UGT2A1: variants seen among roughly 807,000 people sequenced by gnomAD.
The protein encoded by UGT2A1 is UDP-glucuronosyltransferase 2A1.
In UGT2A1, 61 loss-of-function variants were observed where a neutral mutation model predicts 45.4. The observed-to-expected ratio is 1.34, with a 90% confidence interval of 1.09 to 1.66. The LOEUF (loss-of-function observed/expected upper bound fraction) is 1.66. UGT2A1 is among the 40% of genes most tolerant of loss of function. UGT2A1 has a pLI of 0.00. For missense variants in UGT2A1, 649 were observed against 574.3 expected, an observed-to-expected ratio of 1.13 and a Z score of -1.33; for synonymous variants, 229 against 196.2, an observed-to-expected ratio of 1.17 and a Z score of -1.40.
intron 3 of UGT2A1, among the ~76,000 whole-genome samples, chr4:69,606,870 G>A (rs1454214712): frequency 7.4e-6 from 1 of 135,992 alleles, no homozygotes; most frequent in East Asian, 2.1e-4. Flanking sequence ...TACAAGGGAC[G>A]TAAGGACCTC....
At chr4:69,592,158 C>T (rs1416552776) in intron 6 of UGT2A1, among the ~76,000 whole-genome samples, 1 of 152,082 alleles carries the variant, frequency 6.6e-6, no homozygotes, top group Non-Finnish European at 1.5e-5. Flanking sequence ...AGGTTACTTC[C>T]GTTAAGAAAA....
In UGT2A1 at chr4:69,588,524, GA is replaced by G. The variant is rs549237261; in HGVS notation, c.*847del. On this transcript the variant is annotated 3_prime_UTR_variant, in exon 7 of 7. Coordinates refer to ENST00000286604, the MANE Select transcript of UGT2A1 (RefSeq NM_001252275.3). ...TAGTGATTTTTAAGCATAATTAATT[GA>G]TGTTTTATGTAATTATTTGTACAGT... 25 of 152,052 alleles carry G rather than the reference GA, an allele frequency of 1.6e-4. No individual in the cohort carries two copies. The South Asian group carries it at 5.0e-3, about 30-fold the overall frequency. The allele number at this position is 152,052 out of a possible 1,614,324, so 9.4% of individuals were successfully genotyped here.
intron 4 of UGT2A1, 130 bp from the exon 5 acceptor site, chr4:69,595,379 C>T (rs1016435264): frequency 1.8e-5 from 18 of 983,750 alleles, no homozygotes; most frequent in African/African-American, 1.3e-4. Context: ...AGTTTACAAA[C>T]GTTGAGATAC....
chr4:69,609,619 T>G (rs1719910443), intron 3 of UGT2A1, among the ~76,000 whole-genome samples: 1 of 152,204 alleles, frequency 6.6e-6, no homozygotes, highest in Non-Finnish European at 1.5e-5. Flanking sequence ...CGTGAAAGTA[T>G]AAACTAGTAT....
intron 3 of UGT2A1, among the ~76,000 whole-genome samples, chr4:69,622,314 T>A (rs966277479): frequency 6.6e-6 from 1 of 151,888 alleles, no homozygotes; most frequent in South Asian, 2.1e-4. Context: ...GAAATTGGCA[T>A]ACAAAAAGTT....
At chr4:69,638,757 T>A (rs1721865595) in intron 2 of UGT2A1, 5 of 1,088,776 alleles carry the variant, frequency 4.6e-6, no homozygotes, top group Non-Finnish European at 6.3e-6. Flanking sequence ...AAGAGAATAA[T>A]CAGGGAATTG....
intron 3 of UGT2A1, chr4:69,603,553 C>T (rs1719422207): frequency 7.3e-6 from 1 of 136,816 alleles, no homozygotes; most frequent in South Asian, 2.4e-4. Context: ...CGCAACAGAA[C>T]AAAACTGGAC....
chr4:69,644,495 A>G (rs1722169420), intron 2 of UGT2A1, among the ~76,000 whole-genome samples: 1 of 151,714 alleles, frequency 6.6e-6, no homozygotes, highest in Admixed American at 6.6e-5. Context: ...CATACACCTG[A>G]GGATATGAAG....
chr4:69,644,518 T>G (rs1440557204), intron 2 of UGT2A1, among the ~76,000 whole-genome samples: 1 of 151,690 alleles, frequency 6.6e-6, no homozygotes, highest in African/African-American at 2.4e-5. Context: ...GATTTTGCCA[T>G]CTTGACAGTT....
At chr4:69,598,339 C>T (rs891009412) in intron 4 of UGT2A1, among the ~76,000 whole-genome samples, 1 of 152,126 alleles carries the variant, frequency 6.6e-6, no homozygotes, top group Non-Finnish European at 1.5e-5. Context: ...TGTTTCCTCA[C>T]TCCTTATTGA....
chr4:69,594,704 G>C lies in UGT2A1; in HGVS notation c.1085-8C>G. 1 of 1,611,052 alleles carries C rather than the reference G, an allele frequency of 6.2e-7. No individual in the cohort carries two copies. Among genetic ancestry groups the C allele is most frequent in the Non-Finnish European group, 8.5e-7 (1 of 1,178,272 alleles). ...CTTTGGTTTTGGGATGTCCTAATTT[G>C]AGGATGGAGTGAGAAGTGGGTGTGT... On this transcript the variant is annotated splice_polypyrimidine_tract_variant and splice_region_variant and intron_variant, in intron 5 of 6. Coordinates refer to ENST00000286604, the MANE Select transcript of UGT2A1 (RefSeq NM_001252275.3).
chr4:69,621,180 C>T (rs1313238921), intron 3 of UGT2A1, among the ~76,000 whole-genome samples: 5 of 151,954 alleles, frequency 3.3e-5, no homozygotes, highest in Non-Finnish European at 7.4e-5. Flanking sequence ...AGCTTCTGCA[C>T]AGCAAAATAA....
At chr4:69,612,361 C>T (rs1720115015) in intron 3 of UGT2A1, among the ~76,000 whole-genome samples, 1 of 151,984 alleles carries the variant, frequency 6.6e-6, no homozygotes, top group South Asian at 2.1e-4. Context: ...ACATTCATGT[C>T]AAACTACCAA....
chr4:69,637,859 CAA>C (rs1270501861), intron 2 of UGT2A1, among the ~76,000 whole-genome samples: 1 of 143,774 alleles, frequency 7.0e-6, no homozygotes, highest in Non-Finnish European at 1.5e-5. Flanking sequence ...ACAAAGTAAA[CAA>C]GAGAGAATGA....
chr4:69,639,503 C>A, intron 2 of UGT2A1: 4 of 1,613,312 alleles, frequency 2.5e-6, no homozygotes, highest in Non-Finnish European at 2.5e-6. Flanking sequence ...CTAGAATAAT[C>A]TTAATATTTA....
At chr4:69,617,065 A>G (rs1720447526) in intron 3 of UGT2A1, among the ~76,000 whole-genome samples, 1 of 151,872 alleles carries the variant, frequency 6.6e-6, no homozygotes, top group Non-Finnish European at 1.5e-5. Context: ...GAAATTCTCA[A>G]CTTCTCTGAT....
At chr4:69,648,247 AAC>A (rs1364040090) in intron 1 of UGT2A1, among the ~76,000 whole-genome samples, 2 of 149,196 alleles carry the variant, frequency 1.3e-5, no homozygotes, top group African/African-American at 4.9e-5. Flanking sequence ...TAATATGTAT[AAC>A]ACATATAGTA....
At chr4:69,592,534 C>T (rs2109875614) in intron 6 of UGT2A1, among the ~76,000 whole-genome samples, 1 of 152,126 alleles carries the variant, frequency 6.6e-6, no homozygotes, top group Non-Finnish European at 1.5e-5. Context: ...GATAGGTGAG[C>T]TGATGATACA....
Position 69,652,579 on chromosome 4 carries a change from C to CT in UGT2A1, c.-55+608dup, listed in dbSNP as rs201312779. Among the ~76,000 whole-genome samples, 1,253 of 151,860 alleles carry CT rather than the reference C, an allele frequency of 8.3e-3. 20 individuals carry two copies. Among genetic ancestry groups the CT allele is most frequent in the African/African-American group, 0.028 (1,177 of 41,426 alleles). ...AGCCACCGCGCCTGGCCATTATTTT[C>CT]TTTTTTTAATAAATAAAATTGATTT... is the stretch of plus-strand genomic sequence containing the variant. On this transcript the variant is annotated intron_variant, in intron 1 of 6. Coordinates refer to ENST00000286604, the MANE Select transcript of UGT2A1 (RefSeq NM_001252275.3).
Sources: gnomAD v4.1 joint callset for allele counts (sites outside exome capture counted in the v4.1 genomes callset) on GRCh38, gnomAD v4.1.1 for gene constraint, MANE v1.5 for transcripts, NCBI Gene and HGNC (gene_info 2026-07-23, HGNC 2026-07-21) for gene names.